MTHFD2L: variants seen among roughly 807,000 people sequenced by gnomAD.
MTHFD2L encodes methylenetetrahydrofolate dehydrogenase (NADP+ dependent) 2 like.
Under a neutral mutation model 34.9 loss-of-function variants are expected in MTHFD2L, and 29 were observed. The observed-to-expected ratio is 0.83, with a 90% confidence interval of 0.62 to 1.13. MTHFD2L has a LOEUF of 1.13. Ranked by LOEUF, MTHFD2L falls within the 50% of genes most tolerant of loss-of-function variation. The probability of loss-of-function intolerance (pLI) is 0.00; values close to 1 mark genes in which losing one functional copy is unlikely to be tolerated. For synonymous variants in MTHFD2L, 167 were observed against 155.7 expected (o/e 1.07, Z -0.54); for missense variants, 481 against 446.5 (o/e 1.08, Z -0.70).
chr4:74,220,231 T>C lies in MTHFD2L; in HGVS notation c.713-5071T>C, dbSNP rs1737930228. ...GAGATGGGTGGGTGCTTTATAATTTTGATAACCTTGGGATGGTTATAAATA... is the reference window on the plus strand; with the variant it reads ...GAGATGGGTGGGTGCTTTATAATTTCGATAACCTTGGGATGGTTATAAATA... On this transcript the variant is annotated intron_variant, in intron 5 of 7. Coordinates refer to ENST00000325278, the MANE Select transcript of MTHFD2L (RefSeq NM_001144978.3). Among the ~76,000 whole-genome samples the C allele has an allele frequency of 2.0e-5, 3 of 152,094 alleles. No homozygotes were observed. In the South Asian group the frequency reaches 6.2e-4, roughly 32 times the overall value.
intron 6 of MTHFD2L, among the ~76,000 whole-genome samples, chr4:74,234,843 T>C (rs1197142486): frequency 2.0e-5 from 3 of 149,666 alleles, no homozygotes; most frequent in Non-Finnish European, 4.4e-5. Flanking sequence ...GAGACACAGA[T>C]AGATTGAAAA....
At chr4:74,205,118 G>A (rs1735070579) in intron 5 of MTHFD2L, among the ~76,000 whole-genome samples, 1 of 152,098 alleles carries the variant, frequency 6.6e-6, no homozygotes, top group Non-Finnish European at 1.5e-5. Flanking sequence ...AATGATATTG[G>A]AAGATTTGCA....
At chr4:74,148,399 ATCTAT>A (rs1194384930) in intron 1 of MTHFD2L, among the ~76,000 whole-genome samples, 2 of 141,798 alleles carry the variant, frequency 1.4e-5, no homozygotes, top group Admixed American at 7.2e-5. Flanking sequence ...TTATCTATCT[ATCTAT>A]TTAGACAGAG....
rs965940865 is a variant in MTHFD2L, at chr4:74,214,855, C to G, written c.713-10447C>G. On this transcript the variant is annotated intron_variant, in intron 5 of 7. Transcript: ENST00000325278. ...CTGTCCTAGGGAATGAGAGTTTTAT[C>G]TATAAGCCCCTGACAGGGGCTGCTG... Among the ~76,000 whole-genome samples the G allele has an allele frequency of 2.2e-4, 34 of 151,804 alleles. 4 individuals carry two copies. The highest frequency in any genetic ancestry group is 7.1e-4 in the African/African-American group (29 of 41,094).
intron 6 of MTHFD2L, among the ~76,000 whole-genome samples, chr4:74,276,677 A>C (rs1424363483): frequency 6.6e-6 from 1 of 152,108 alleles, no homozygotes; most frequent in East Asian, 1.9e-4. Context: ...AAGTCTAAGA[A>C]CTTTCTTTCC....
upstream of MTHFD2L, chr4:74,157,814 T>C (rs1724417564): frequency 5.6e-6 from 3 of 536,532 alleles, no homozygotes; most frequent in East Asian, 1.4e-4. Context: ...TTGGAGGCCT[T>C]CTCTGTGCCG....
intron 6 of MTHFD2L, among the ~76,000 whole-genome samples, chr4:74,275,889 C>T (rs975426780): frequency 1.6e-4 from 25 of 152,090 alleles, no homozygotes; most frequent in African/African-American, 6.0e-4. Context: ...TTCTCCTATT[C>T]TGTATGTTGC....
In MTHFD2L at chr4:74,152,292, T is replaced by A. The variant is rs181725512; in HGVS notation, c.-296-7763T>A. ...ATATTTTGAGGGCATAAAAAAACTC[T>A]GCTTTAGGAAGCTTTATAGTTGTAT... On this transcript the variant is annotated intron_variant, in intron 1 of 7. Coordinates refer to the MTHFD2L transcript ENST00000433372. 5.6e-3 allele frequency among the ~76,000 whole-genome samples: 858 copies of A among 152,258 alleles called. 8 individuals carry two copies. The highest frequency in any genetic ancestry group is 7.1e-3 in the Non-Finnish European group (486 of 67,998).
intron 1 of MTHFD2L, among the ~76,000 whole-genome samples, chr4:74,148,536 T>C (rs962364100): frequency 3.3e-5 from 5 of 151,948 alleles, no homozygotes; most frequent in Non-Finnish European, 5.9e-5. Context: ...TACAGGAACA[T>C]GCCACCATAC....
chr4:74,118,258 AT>A (rs2109767330), intron 2 of MTHFD2L, among the ~76,000 whole-genome samples: 1 of 152,318 alleles, frequency 6.6e-6, no homozygotes, highest in East Asian at 1.9e-4. Flanking sequence ...ATTAATACAG[AT>A]TTTAACCCTC....
chr4:74,141,029 C>T (rs1252646634), intron 1 of MTHFD2L, among the ~76,000 whole-genome samples: 1 of 152,168 alleles, frequency 6.6e-6, no homozygotes, highest in Non-Finnish European at 1.5e-5. Context: ...TGACAGTACT[C>T]ATATTCTCAA....
At chr4:74,160,083 C>A in intron 1 of MTHFD2L, 1 of 1,289,360 alleles carries the variant, frequency 7.8e-7, no homozygotes, top group Non-Finnish European at 1.0e-6. Context: ...ATTCCATCTT[C>A]CAGAGGTTGC....
intron 6 of MTHFD2L, among the ~76,000 whole-genome samples, chr4:74,270,931 G>A (rs1338380857): frequency 1.3e-5 from 2 of 152,054 alleles, no homozygotes; most frequent in Non-Finnish European, 2.9e-5. Flanking sequence ...GTGAGGATGA[G>A]CATTTTTTCA....
At chr4:74,195,801 G>T (rs1733366126) in intron 3 of MTHFD2L, 1 of 154,874 alleles carries the variant, frequency 6.5e-6, no homozygotes, top group South Asian at 1.7e-4. Context: ...GAAAGGCGGG[G>T]ACAACTTGAA....
At chr4:74,209,456 G>A (rs766003055) in intron 5 of MTHFD2L, among the ~76,000 whole-genome samples, 17 of 152,124 alleles carry the variant, frequency 1.1e-4, no homozygotes, top group African/African-American at 3.9e-4. Context: ...TTGGTTTTCC[G>A]TTCCTGTGTT....
chr4:74,275,261 G>A (rs918800520), intron 6 of MTHFD2L, among the ~76,000 whole-genome samples: 2 of 152,122 alleles, frequency 1.3e-5, no homozygotes, highest in African/African-American at 2.4e-5. Flanking sequence ...CCATGTCCCT[G>A]CAAAGGACAT....
chr4:74,160,155 A>G (rs1157972641), intron 1 of MTHFD2L: 9 of 1,152,274 alleles, frequency 7.8e-6, no homozygotes, highest in Admixed American at 2.4e-5. Flanking sequence ...ATAATGACAC[A>G]TTAGTTGTCT....
intron 6 of MTHFD2L, among the ~76,000 whole-genome samples, chr4:74,273,591 C>T (rs1306110057): frequency 1.3e-5 from 2 of 152,088 alleles, no homozygotes; most frequent in Non-Finnish European, 2.9e-5. Flanking sequence ...CATATCAAAA[C>T]GCCTTGAAAA....
chr4:74,290,395 C>T (rs1028552739), intron 7 of MTHFD2L, among the ~76,000 whole-genome samples: 3 of 152,032 alleles, frequency 2.0e-5, no homozygotes, highest in African/African-American at 7.2e-5. Flanking sequence ...GTATTATGTC[C>T]AACCTTTCAT....
Sources: gnomAD v4.1 joint callset for allele counts (sites outside exome capture counted in the v4.1 genomes callset) on GRCh38, gnomAD v4.1.1 for gene constraint, MANE v1.5 for transcripts, NCBI Gene and HGNC (gene_info 2026-07-23, HGNC 2026-07-21) for gene names.